Variants in PMPCB observed in about 807,000 individuals in gnomAD.
The protein encoded by PMPCB is mitochondrial-processing peptidase subunit beta.
A neutral mutation model predicts 61.5 loss-of-function variants in PMPCB; 46 were observed. The ratio of observed to expected loss-of-function variants is 0.75; its 90% CI spans 0.59 to 0.96. The LOEUF is 0.96. Among genes scored for constraint, PMPCB ranks in the 40% least tolerant of loss-of-function variants. The pLI is 0.00. For missense variants in PMPCB, 590 were observed against 602.4 expected, an observed-to-expected ratio of 0.98 and a Z score of 0.22; for synonymous variants, 191 against 201.6, an observed-to-expected ratio of 0.95 and a Z score of 0.44.
At chr7:103,321,867 G>T in intron 12 of PMPCB, 2 of 1,524,006 alleles carry the variant, frequency 1.3e-6, no homozygotes, top group South Asian at 1.2e-5. Context: ...CAAACAAAAA[G>T]AAGTATTTTT....
the PMPCB span, among the ~76,000 whole-genome samples, chr7:103,344,088 T>TATG: frequency 6.6e-6 from 1 of 151,954 alleles, no homozygotes; most frequent in African/African-American, 2.4e-5. Flanking sequence ...GAACACCGAG[T>TATG]ATGAGGAGCG....
chr7:103,307,797 T>C, intron 7 of PMPCB, 89 bp downstream of exon 7: 1 of 735,134 alleles, frequency 1.4e-6, no homozygotes, highest in Non-Finnish European at 2.4e-6. Flanking sequence ...ATATTTCCAG[T>C]AGGAAAAGAA....
chr7:103,342,291 A>C, the PMPCB span, among the ~76,000 whole-genome samples: 1 of 152,032 alleles, frequency 6.6e-6, no homozygotes, highest in Non-Finnish European at 1.5e-5. Flanking sequence ...CTTTTAGACA[A>C]ATTATTTATT....
the PMPCB span, among the ~76,000 whole-genome samples, chr7:103,334,847 A>G: frequency 6.6e-6 from 1 of 152,046 alleles, no homozygotes; most frequent in Non-Finnish European, 1.5e-5. Context: ...TTTTTTGGGC[A>G]TTTTTTGAGG....
At chr7:103,319,892 A>C (rs1165282421) in intron 12 of PMPCB, 1 of 1,583,996 alleles carries the variant, frequency 6.3e-7, no homozygotes, top group East Asian at 2.2e-5. Context: ...AAATACATCC[A>C]TCAACATAAT....
chr7:103,305,279 T>C (rs1235403848), intron 6 of PMPCB, among the ~76,000 whole-genome samples: 1 of 152,156 alleles, frequency 6.6e-6, no homozygotes, highest in Non-Finnish European at 1.5e-5. Context: ...TGCAGGTGAC[T>C]TCAGAAGGTT....
the PMPCB span, chr7:103,342,003 A>G: frequency 1.5e-6 from 2 of 1,376,154 alleles, no homozygotes; most frequent in South Asian, 1.7e-5. Flanking sequence ...CATGGAATAA[A>G]TATGTTTCAA....
At chr7:103,305,316 G>A (rs1043915582) in intron 6 of PMPCB, among the ~76,000 whole-genome samples, 3 of 151,560 alleles carry the variant, frequency 2.0e-5, no homozygotes, top group Non-Finnish European at 2.9e-5. Flanking sequence ...TGAAGCCAGT[G>A]AATGAAAAAA....
intron 12 of PMPCB, chr7:103,327,419 G>T: frequency 3.4e-6 from 3 of 874,220 alleles, no homozygotes; most frequent in Non-Finnish European, 5.1e-6. Context: ...TTGGGGCAGG[G>T]CCTGAGACTG....
chr7:103,314,789 T>G (rs768820735), downstream of PMPCB: 6 of 270,238 alleles, frequency 2.2e-5, no homozygotes, highest in Non-Finnish European at 2.8e-5. Context: ...TAAGCAAGAT[T>G]AAAGAATATA....
exon 13 of PMPCB, chr7:103,329,087 C>A: frequency 2.2e-6 from 2 of 909,218 alleles, no homozygotes; most frequent in Non-Finnish European, 1.5e-6. Flanking sequence ...TGGTGGTCAA[C>A]AATTTTTTTG....
At position 103,326,275 on chromosome 7, in the gene PMPCB, G is replaced by C. The variant is rs58418722; in HGVS notation, c.*1432-2656G>C. 0.047 allele frequency among the ~76,000 whole-genome samples: 7,226 copies of C among 152,202 alleles called. 232 individuals carry two copies. The highest frequency in any genetic ancestry group is 0.079 in the African/African-American group (3,263 of 41,514). ...TTACAGGTGTGAACCACTGTGCCCA[G>C]CCCAAGTAAATTTAAAAGAGAAACT... On this transcript the variant is annotated intron_variant and NMD_transcript_variant, in intron 12 of 12. Coordinates refer to the PMPCB transcript ENST00000444457.
At chr7:103,317,042 T>C (rs374871720), downstream of PMPCB, 116 of 1,589,236 alleles carry the variant, frequency 7.3e-5, no homozygotes, top group Non-Finnish European at 9.7e-5. Flanking sequence ...GTCAGGGACT[T>C]AGAAGTATAC....
At position 103,314,416 on chromosome 7, in the gene PMPCB, A is replaced by G; in HGVS notation, c.*2145A>G. On this transcript the variant is annotated 3_prime_UTR_variant, in exon 13 of 13. Transcript: ENST00000249269. ...TAAAAGAGGCAAAGGAGTCATACCC[A>G]CATAGCACTACTGCCAGTCACTCTT... The G allele has an allele frequency of 1.0e-6, 1 of 985,418 alleles. No individual in the cohort carries two copies. The highest frequency in any genetic ancestry group is 1.2e-6 in the Non-Finnish European group (1 of 829,926). The allele number at this position is 985,418 out of a possible 1,614,324, so 61.0% of individuals were successfully genotyped here.
the PMPCB span, among the ~76,000 whole-genome samples, chr7:103,346,021 T>G: frequency 6.6e-6 from 1 of 152,158 alleles, no homozygotes; most frequent in African/African-American, 2.4e-5. Flanking sequence ...TGTTAAAACA[T>G]GCTCCAAGGT....
Position 103,310,295 on chromosome 7 carries a change from G to C in PMPCB, c.994-20G>C. The C allele has an allele frequency of 1.9e-6, 3 of 1,602,774 alleles. No homozygotes were observed. The highest frequency in any genetic ancestry group is 2.6e-6 in the Non-Finnish European group (3 of 1,172,672). On this transcript the variant is annotated intron_variant, in intron 8 of 12. Coordinates refer to ENST00000249269, the MANE Select transcript of PMPCB (RefSeq NM_004279.3). ...GACATGTATAATTAAAATTCTCTTG[G>C]AATTTTTTTTTCCTTGCAGAATTTA...
intron 4 of PMPCB, among the ~76,000 whole-genome samples, chr7:103,302,455 G>A (rs1563445563): frequency 6.6e-6 from 1 of 152,188 alleles, no homozygotes; most frequent in Non-Finnish European, 1.5e-5. Context: ...TACCAGGGTA[G>A]ACCACCAATC....
At chr7:103,299,355 G>T in intron 2 of PMPCB, 88 bp from the exon 3 acceptor site, 1 of 725,482 alleles carries the variant, frequency 1.4e-6, no homozygotes, top group Non-Finnish European at 2.3e-6. Flanking sequence ...AGACCAGAAA[G>T]CATTTGTCAG....
the PMPCB span, among the ~76,000 whole-genome samples, chr7:103,347,282 T>C: frequency 2.0e-5 from 3 of 152,234 alleles, no homozygotes; most frequent in Non-Finnish European, 2.9e-5. Context: ...GGTTTTGATT[T>C]GCATTTCCTA....
Sources: allele counts gnomAD v4.1 joint callset (sites outside exome capture counted in the v4.1 genomes callset), GRCh38; gene constraint gnomAD v4.1.1; transcripts MANE v1.5; gene names NCBI Gene and HGNC (gene_info 2026-07-23, HGNC 2026-07-21).